SNTG1: variants seen among roughly 807,000 people sequenced by gnomAD.
SNTG1 encodes syntrophin gamma 1.
A neutral mutation model predicts 74.7 loss-of-function variants in SNTG1; 39 were observed. The ratio of observed to expected loss-of-function variants is 0.52; its 90% CI spans 0.40 to 0.68. The LOEUF (loss-of-function observed/expected upper bound fraction) is 0.68. Ranked by LOEUF, SNTG1 falls within the 30% of genes least tolerant of loss-of-function variation. The pLI is 0.00. For synonymous variants in SNTG1, 254 were observed against 217.1 expected, an observed-to-expected ratio of 1.17 and a Z score of -1.49; for missense variants, 685 against 609.5, an observed-to-expected ratio of 1.12 and a Z score of -1.30.
intron 2 of SNTG1, among the ~76,000 whole-genome samples, chr8:50,260,377 G>A (rs1375477166): frequency 6.6e-6 from 1 of 151,952 alleles, no homozygotes; most frequent in South Asian, 2.1e-4. Flanking sequence ...TCACAACACA[G>A]AGGCACAAGC....
At chr8:50,571,940 G>A (rs1217902959) in intron 12 of SNTG1, among the ~76,000 whole-genome samples, 4 of 152,110 alleles carry the variant, frequency 2.6e-5, no homozygotes, top group Admixed American at 1.3e-4. Flanking sequence ...CCCCTGATGA[G>A]GGAGCAGAGG....
chr8:50,212,201 A>G (rs1316394611), intron 2 of SNTG1, among the ~76,000 whole-genome samples: 1 of 152,154 alleles, frequency 6.6e-6, no homozygotes, highest in Non-Finnish European at 1.5e-5. Flanking sequence ...CACTGTGATA[A>G]TGAGGGAAGT....
At chr8:50,081,725 C>T (rs1822431217) in intron 1 of SNTG1, among the ~76,000 whole-genome samples, 1 of 152,116 alleles carries the variant, frequency 6.6e-6, no homozygotes, top group Non-Finnish European at 1.5e-5. Flanking sequence ...CCTCTGCCTC[C>T]CGAGTTCAAG....
chr8:50,284,157 T>A (rs1437689594), intron 2 of SNTG1, among the ~76,000 whole-genome samples: 1 of 152,076 alleles, frequency 6.6e-6, no homozygotes, highest in Non-Finnish European at 1.5e-5. Flanking sequence ...GAATTTTGCT[T>A]TTATTGTTTT....
At chr8:50,113,765 C>T (rs775150359) in intron 1 of SNTG1, among the ~76,000 whole-genome samples, 5 of 152,030 alleles carry the variant, frequency 3.3e-5, no homozygotes, top group Non-Finnish European at 5.9e-5. Context: ...TCCATCAATA[C>T]CTAATTTATT....
At chr8:50,524,117 T>C (rs1217052183) in intron 9 of SNTG1, among the ~76,000 whole-genome samples, 1 of 152,146 alleles carries the variant, frequency 6.6e-6, no homozygotes, top group African/African-American at 2.4e-5. Context: ...CTTTTATCAA[T>C]TTCTTTTGTG....
chr8:50,520,656 C>G (rs1253659192), intron 9 of SNTG1, among the ~76,000 whole-genome samples: 1 of 152,212 alleles, frequency 6.6e-6, no homozygotes, highest in African/African-American at 2.4e-5. Context: ...ATGCAGCCAA[C>G]AGACACATGA....
At chr8:50,183,088 C>T (rs1397962256) in intron 2 of SNTG1, among the ~76,000 whole-genome samples, 2 of 152,090 alleles carry the variant, frequency 1.3e-5, no homozygotes, top group African/African-American at 4.8e-5. Flanking sequence ...TACCTTGCTC[C>T]TCCTTGCTTT....
At position 50,295,755 on chromosome 8, in the gene SNTG1, T is replaced by A. The variant is rs1050437657; in HGVS notation, c.-27-98457T>A. Among the ~76,000 whole-genome samples, 7 of 152,328 alleles carry A rather than the reference T, an allele frequency of 4.6e-5. No individual in the cohort carries two copies. The East Asian group carries it at 1.4e-3, about 29-fold the overall frequency. On this transcript the variant is annotated intron_variant, in intron 2 of 18. Transcript: ENST00000642720. ...TTCAAATGACAATTTAAGGACAATT[T>A]GGAATCTGCCAAGAGTTTGCCAAGA...
At chr8:50,470,277 G>A (rs1188561516) in intron 8 of SNTG1, among the ~76,000 whole-genome samples, 2 of 152,182 alleles carry the variant, frequency 1.3e-5, no homozygotes, top group Non-Finnish European at 2.9e-5. Context: ...ATGTCAATAT[G>A]AGATTATGTT....
chr8:50,540,667 T>A (rs1384643358), intron 11 of SNTG1, among the ~76,000 whole-genome samples: 1 of 152,196 alleles, frequency 6.6e-6, no homozygotes, highest in Non-Finnish European at 1.5e-5. Context: ...TATATTTAAT[T>A]ATGTTGTCAG....
At chr8:50,534,051 A>G (rs1289532615) in intron 10 of SNTG1, among the ~76,000 whole-genome samples, 1 of 152,222 alleles carries the variant, frequency 6.6e-6, no homozygotes, top group African/African-American at 2.4e-5. Context: ...GCATCTTTAA[A>G]TAATATACCT....
At position 50,621,063 on chromosome 8, in the gene SNTG1, CTTTTT is replaced by C. The variant is rs34101589; in HGVS notation, c.849+30158_849+30162del. Among the ~76,000 whole-genome samples the C allele has an allele frequency of 5.6e-3, 813 of 145,430 alleles. 6 individuals carry two copies. Among genetic ancestry groups the C allele is most frequent in the African/African-American group, 0.019 (761 of 40,196 alleles). On this transcript the variant is annotated intron_variant, in intron 13 of 18. Transcript: ENST00000642720. ...CAGGGCTGTAACCATAAAGAGATAA[CTTTTT>C]TTTTTTTTTTTGAGATGTGGTTAGA...
rs149318843 is a variant in SNTG1 at position 50,536,966 on chromosome 8, A to T, written c.680+158A>T. Among the ~76,000 whole-genome samples, 399 of 152,372 alleles carry T rather than the reference A, an allele frequency of 2.6e-3. 2 individuals are homozygous for T. The highest frequency in any genetic ancestry group is 9.3e-3 in the African/African-American group (387 of 41,590). On this transcript the variant is annotated intron_variant, in intron 11 of 18. Transcript: ENST00000642720. ...AATAATCTAACAAAGTTAAACACTT[A>T]TTATTCTGATGACAAAACCACAAGT...
At chr8:50,605,996 T>C (rs928066235) in intron 13 of SNTG1, among the ~76,000 whole-genome samples, 1 of 152,202 alleles carries the variant, frequency 6.6e-6, no homozygotes, top group African/African-American at 2.4e-5. Context: ...GTGAGTGATC[T>C]TTTTGATGTG....
intron 2 of SNTG1, among the ~76,000 whole-genome samples, chr8:50,239,429 G>A (rs1332878772): frequency 6.6e-6 from 1 of 152,190 alleles, no homozygotes; most frequent in East Asian, 1.9e-4. Context: ...CAAAGTGGCA[G>A]GAGAGAAAGT....
At chr8:49,920,156 T>C (rs1229137260) in intron 1 of SNTG1, among the ~76,000 whole-genome samples, 1 of 152,098 alleles carries the variant, frequency 6.6e-6, no homozygotes, top group Admixed American at 6.6e-5. Context: ...AGAAATCTCC[T>C]TGAAGTTGGA....
intron 9 of SNTG1, among the ~76,000 whole-genome samples, chr8:50,510,832 G>A (rs1043251234): frequency 2.0e-5 from 3 of 152,004 alleles, no homozygotes; most frequent in Non-Finnish European, 4.4e-5. Context: ...CTTGCTAGCG[G>A]TCTATCAATT....
chr8:50,526,382 G>T (rs2094219728), intron 9 of SNTG1, among the ~76,000 whole-genome samples: 1 of 152,168 alleles, frequency 6.6e-6, no homozygotes, highest in Non-Finnish European at 1.5e-5. Context: ...TAGTGGAAGG[G>T]CTGTCATGGG....
Sources: allele counts gnomAD v4.1 joint callset (sites outside exome capture counted in the v4.1 genomes callset), GRCh38; gene constraint gnomAD v4.1.1; transcripts MANE v1.5; gene names NCBI Gene and HGNC (gene_info 2026-07-23, HGNC 2026-07-21).